Variants in SLC2A7 observed in about 807,000 individuals in gnomAD.
The protein encoded by SLC2A7 is solute carrier family 2, facilitated glucose transporter member 7.
SLC2A7 carries 50 observed loss-of-function variants against 50.5 expected under a neutral mutation model. That is an observed-to-expected ratio of 0.99 (90% CI 0.79 to 1.25). The LOEUF (loss-of-function observed/expected upper bound fraction) is 1.25, where lower values mean the gene tolerates loss of function less well. Among genes scored for constraint, SLC2A7 ranks in the 50% most tolerant of loss-of-function variants. The pLI is 0.00. For synonymous variants in SLC2A7, 308 were observed against 300.4 expected (o/e 1.03, Z -0.26); for missense variants, 683 against 679.1 (o/e 1.01, Z -0.06).
chr1:9,004,962 C>T, intron 10 of SLC2A7, 83 bp from the exon 11 acceptor site: 1 of 1,479,670 alleles, frequency 6.8e-7, no homozygotes, highest in Admixed American at 2.1e-5. Context: ...ACTCTAGCCT[C>T]TGACCTAGGA....
At chr1:9,002,604 C>A (rs1408413591), downstream of SLC2A7, among the ~76,000 whole-genome samples, 1 of 152,230 alleles carries the variant, frequency 6.6e-6, no homozygotes, top group Non-Finnish European at 1.5e-5. Context: ...ACATCCCCCT[C>A]ACCAAGACAG....
At position 9,018,358 on chromosome 1, in the gene SLC2A7, G is replaced by GAT. The variant is rs776432055; in HGVS notation, c.453_454insAT (p.Leu152IlefsTer14). ...GCCAGTTCTCCCAGGTACATGGGAA[G>GAT]GGCGCTGTAGGAGATGCCTGGTTTG... On this transcript the variant is annotated frameshift_variant, in exon 5 of 12. Coordinates refer to ENST00000400906, the MANE Select transcript of SLC2A7 (RefSeq NM_207420.3). LOFTEE classifies it high-confidence loss of function. 3.8e-4 allele frequency: 619 copies of GAT among 1,614,206 alleles called. 14 individuals carry two copies. The Admixed American group carries it at 0.01, about 26-fold the overall frequency.
rs768174761 is a variant in SLC2A7, at chr1:9,007,371, C to T, written c.1131G>A (p.Glu377=). The T allele has an allele frequency of 1.9e-6, 3 of 1,614,058 alleles. No homozygotes were observed. In the African/African-American group the frequency reaches 4.0e-5, roughly 22 times the overall value. The part of the protein sequence containing the change: ...VVLLFQNRVP[E]LSYLGIICVF... ...CACAGATGATGCCGAGGTAGGACAG[C>T]TCGGGGACCCTGTTCTGTGGGGAGA... The change falls in exon 10 of 12, where the codon GAG becomes GAA. Residue 377 remains glutamate, a synonymous_variant. Coordinates refer to ENST00000400906, the MANE Select transcript of SLC2A7 (RefSeq NM_207420.3).
the SLC2A7 span, among the ~76,000 whole-genome samples, chr1:8,993,736 G>A: frequency 4.6e-5 from 7 of 152,076 alleles, no homozygotes; most frequent in African/African-American, 1.2e-4. Context: ...CAAGCGATTC[G>A]CCTGCCTCAG....
At chr1:9,007,634 GT>G (rs1640674894) in intron 9 of SLC2A7, among the ~76,000 whole-genome samples, 1 of 152,124 alleles carries the variant, frequency 6.6e-6, no homozygotes, top group Non-Finnish European at 1.5e-5. Flanking sequence ...CTACCTTTGA[GT>G]TATTTTCCTG....
At chr1:9,022,044 G>A (rs960346904) in intron 3 of SLC2A7, among the ~76,000 whole-genome samples, 3 of 152,132 alleles carry the variant, frequency 2.0e-5, no homozygotes, top group East Asian at 1.9e-4. Context: ...ATTAATTGTC[G>A]ATCAAGTATA....
intron 9 of SLC2A7, 122 bp from the exon 10 acceptor site, chr1:9,007,507 A>G (rs1640673072): frequency 5.8e-6 from 5 of 865,404 alleles, no homozygotes; most frequent in Non-Finnish European, 9.1e-6. Context: ...GGGCACCTCC[A>G]TGGACCTTGA....
At chr1:9,019,484 T>A (rs1009567308) in intron 3 of SLC2A7, 151 bp from the exon 4 acceptor site, 2 of 1,146,956 alleles carry the variant, frequency 1.7e-6, no homozygotes, top group African/African-American at 3.1e-5. Context: ...CTGAATGGTG[T>A]CCCCCAAATT....
At chr1:8,994,760 CT>C in the SLC2A7 span, among the ~76,000 whole-genome samples, 131 of 151,342 alleles carry the variant, frequency 8.7e-4, 1 homozygote, top group African/African-American at 2.8e-3. Context: ...ATTTTCTTTT[CT>C]TTTTTTTTCT....
chr1:9,002,675 C>G (rs1219087571), downstream of SLC2A7, among the ~76,000 whole-genome samples: 1 of 152,164 alleles, frequency 6.6e-6, no homozygotes, highest in Non-Finnish European at 1.5e-5. Flanking sequence ...GAGGGTCCTC[C>G]GTATGCTGAG....
intron 1 of SLC2A7, 116 bp from the exon 2 acceptor site, chr1:9,025,190 G>T: frequency 9.4e-7 from 1 of 1,067,964 alleles, no homozygotes; most frequent in Non-Finnish European, 1.4e-6. Context: ...GGGATCCCAG[G>T]CCGTGCCCCC....
At chr1:9,009,680 G>A (rs11121291) in intron 9 of SLC2A7, among the ~76,000 whole-genome samples, 78,204 of 151,794 alleles carry the variant, frequency 0.52, 22,300 homozygotes, top group African/African-American at 0.76. Context: ...CTGGTCTTGA[G>A]CTCCTGGGCT....
intron 8 of SLC2A7, among the ~76,000 whole-genome samples, chr1:9,010,569 GCTGGTCTCGAACTC>G (rs1406479287): frequency 2.0e-5 from 3 of 151,958 alleles, no homozygotes; most frequent in Admixed American, 6.6e-5. Flanking sequence ...TGTTGGCCAG[GCTGGTCTCGAACTC>G]CTGGCCTCAA....
the SLC2A7 span, among the ~76,000 whole-genome samples, chr1:8,993,087 T>G: frequency 2.6e-5 from 4 of 152,328 alleles, no homozygotes; most frequent in Admixed American, 2.6e-4. Flanking sequence ...CACAGTTCCA[T>G]GTGGCTGGGG....
chr1:9,010,645 A>C (rs1001487316), intron 8 of SLC2A7, among the ~76,000 whole-genome samples: 24 of 151,810 alleles, frequency 1.6e-4, no homozygotes, highest in African/African-American at 5.8e-4. Context: ...GGCGTGAGCC[A>C]CCGTGCGTCA....
chr1:9,003,282 G>T lies in SLC2A7; in HGVS notation c.*18C>A. 6.2e-7 allele frequency: 1 copy of T among 1,612,606 alleles called. No homozygotes were observed. The highest frequency in any genetic ancestry group is 1.7e-5 in the Admixed American group (1 of 59,918). ...AAGGAAGCCTTGAATATGGGCTCCC[G>T]TCCTTCATGCAGGGCCACTAAAAGG... On this transcript the variant is annotated 3_prime_UTR_variant, in exon 12 of 12. Transcript: ENST00000400906.
rs1369935108 is a variant in SLC2A7, at chr1:9,013,487, AG to A, written c.1014+37del. The A allele has an allele frequency of 1.9e-5, 30 of 1,585,056 alleles. No homozygotes were observed. The East Asian group carries it at 6.3e-4, about 33-fold the overall frequency. On this transcript the variant is annotated intron_variant, in intron 8 of 11. Coordinates refer to ENST00000400906, the MANE Select transcript of SLC2A7 (RefSeq NM_207420.3). The stretch of plus-strand genomic sequence containing the variant: ...TGTCTGCCTGGCGGCACCTGGCCAG[AG>A]ACCCTCCAGCAGGAAGGATGCCTCC...
chr1:9,016,269 A>T (rs976800129), intron 5 of SLC2A7, among the ~76,000 whole-genome samples: 1 of 152,218 alleles, frequency 6.6e-6, no homozygotes, highest in Non-Finnish European at 1.5e-5. Context: ...AAATCCACCC[A>T]TTAAGGAATA....
chr1:9,014,383 AC>A (rs1414213793), intron 7 of SLC2A7, among the ~76,000 whole-genome samples: 1 of 152,182 alleles, frequency 6.6e-6, no homozygotes, highest in East Asian at 1.9e-4. Context: ...CTGAGCTTGG[AC>A]CCAGGAGACC....
Sources: allele counts gnomAD v4.1 joint callset (sites outside exome capture counted in the v4.1 genomes callset), GRCh38; gene constraint gnomAD v4.1.1; transcripts MANE v1.5; gene names NCBI Gene and HGNC (gene_info 2026-07-23, HGNC 2026-07-21).